Variants in TAFA2 observed in about 807,000 individuals in gnomAD.
TAFA2 encodes the protein chemokine-like protein TAFA-2.
Under a neutral mutation model 18.8 loss-of-function variants are expected in TAFA2, and 7 were observed. The ratio of observed to expected loss-of-function variants is 0.37; its 90% confidence interval spans 0.21 to 0.70. The LOEUF (loss-of-function observed/expected upper bound fraction) is 0.70. TAFA2 is among the 30% of genes least tolerant of loss of function. The pLI is 0.53. For synonymous variants in TAFA2, 60 were observed against 54.2 expected, an observed-to-expected ratio of 1.11 and a Z score of -0.47; for missense variants, 122 against 158.1, an observed-to-expected ratio of 0.77 and a Z score of 1.23.
intron 1 of TAFA2, among the ~76,000 whole-genome samples, chr12:62,142,711 CTTTAA>C (rs984714913): frequency 1.4e-4 from 21 of 152,042 alleles, no homozygotes; most frequent in African/African-American, 4.3e-4. Context: ...GTATAAAAGT[CTTTAA>C]TTAAATTATG....
At chr12:61,746,176 T>C (rs866232381) in intron 4 of TAFA2, among the ~76,000 whole-genome samples, 2 of 151,752 alleles carry the variant, frequency 1.3e-5, no homozygotes, top group Admixed American at 6.6e-5. Context: ...GTTCTCATGA[T>C]AGTGAGTGAG....
intron 2 of TAFA2, among the ~76,000 whole-genome samples, chr12:61,784,962 G>C (rs1182488367): frequency 6.6e-6 from 1 of 151,330 alleles, no homozygotes; most frequent in Non-Finnish European, 1.5e-5. Flanking sequence ...TGTAGGTTGG[G>C]AATATTCAAT....
intron 2 of TAFA2, among the ~76,000 whole-genome samples, chr12:61,800,119 T>G (rs1394855278): frequency 6.6e-6 from 1 of 152,160 alleles, no homozygotes; most frequent in Non-Finnish European, 1.5e-5. Flanking sequence ...GACAAAAATA[T>G]TTGAAGTAAT....
At chr12:61,860,135 T>C (rs1399819661) in intron 2 of TAFA2, among the ~76,000 whole-genome samples, 2 of 152,232 alleles carry the variant, frequency 1.3e-5, no homozygotes, top group Admixed American at 6.5e-5. Flanking sequence ...ATGTATAACA[T>C]GTTTATGAAT....
At chr12:62,053,125 A>G (rs1293320166) in intron 1 of TAFA2, among the ~76,000 whole-genome samples, 1 of 152,204 alleles carries the variant, frequency 6.6e-6, no homozygotes, top group Non-Finnish European at 1.5e-5. Context: ...GACTTCCAAA[A>G]TGAGAGTTAA....
intron 1 of TAFA2, among the ~76,000 whole-genome samples, chr12:62,084,165 C>G (rs1592325407): frequency 6.6e-6 from 1 of 152,124 alleles, no homozygotes; most frequent in African/African-American, 2.4e-5. Flanking sequence ...CCAACATTTC[C>G]CCTCACTATT....
chr12:62,001,431 G>A (rs1880372276), intron 1 of TAFA2, among the ~76,000 whole-genome samples: 2 of 152,018 alleles, frequency 1.3e-5, no homozygotes, highest in South Asian at 4.2e-4. Context: ...AGAATCAGTG[G>A]AAGCCCTGAG....
chr12:62,012,617 T>A (rs1880809111), intron 1 of TAFA2, among the ~76,000 whole-genome samples: 1 of 152,088 alleles, frequency 6.6e-6, no homozygotes, highest in South Asian at 2.1e-4. Context: ...AACTATTCCA[T>A]CTCAGACTTT....
intron 1 of TAFA2, among the ~76,000 whole-genome samples, chr12:62,152,551 A>G (rs373508622): frequency 9.2e-4 from 140 of 152,312 alleles, no homozygotes; most frequent in Non-Finnish European, 1.7e-3. Flanking sequence ...TATTTTAACA[A>G]TGTTCTCTTT....
At chr12:62,108,165 G>C (rs2136861180) in intron 1 of TAFA2, among the ~76,000 whole-genome samples, 1 of 151,818 alleles carries the variant, frequency 6.6e-6, no homozygotes, top group African/African-American at 2.4e-5. Flanking sequence ...AGGCCCCAGT[G>C]TGTGATGTTC....
At chr12:61,785,672 T>A (rs1357181989) in intron 2 of TAFA2, among the ~76,000 whole-genome samples, 1 of 151,524 alleles carries the variant, frequency 6.6e-6, no homozygotes, top group Non-Finnish European at 1.5e-5. Context: ...CACTTCAGTA[T>A]GTGAACAAAC....
chr12:61,816,348 A>G (rs1208806986), intron 2 of TAFA2, among the ~76,000 whole-genome samples: 2 of 151,422 alleles, frequency 1.3e-5, no homozygotes, highest in African/African-American at 2.5e-5. Context: ...TGCAAAAGAC[A>G]TGATCTTTTT....
intron 1 of TAFA2, among the ~76,000 whole-genome samples, chr12:62,177,040 A>C (rs2062518951): frequency 6.6e-6 from 1 of 152,198 alleles, no homozygotes. Context: ...TAAAAAGATC[A>C]CTCACGTGAA....
chr12:61,909,769 A>G (rs753579918), intron 1 of TAFA2, among the ~76,000 whole-genome samples: 3 of 152,196 alleles, frequency 2.0e-5, no homozygotes, highest in Non-Finnish European at 4.4e-5. Flanking sequence ...GAGGCACCAC[A>G]AACCTGTGAA....
chr12:62,222,706 G>C (rs999945647), intron 1 of TAFA2, among the ~76,000 whole-genome samples: 1 of 151,052 alleles, frequency 6.6e-6, no homozygotes, highest in South Asian at 2.1e-4. Context: ...AGTAGAGATG[G>C]GGTTTCACCA....
intron 1 of TAFA2, among the ~76,000 whole-genome samples, chr12:62,202,183 A>G (rs1351474821): frequency 6.6e-6 from 1 of 152,000 alleles, no homozygotes; most frequent in African/African-American, 2.4e-5. Context: ...TTTTCAAAAA[A>G]CAAGCTCCTG....
At chr12:62,119,927 G>A (rs1870120829) in intron 1 of TAFA2, among the ~76,000 whole-genome samples, 1 of 152,038 alleles carries the variant, frequency 6.6e-6, no homozygotes, top group East Asian at 1.9e-4. Flanking sequence ...TACAAAATTA[G>A]CTGGGTGTGG....
chr12:61,869,140 C>T (rs1477697035), intron 1 of TAFA2, among the ~76,000 whole-genome samples: 1 of 152,168 alleles, frequency 6.6e-6, no homozygotes, highest in African/African-American at 2.4e-5. Flanking sequence ...GCTGTAAACT[C>T]TCTGTGGACC....
intron 1 of TAFA2, among the ~76,000 whole-genome samples, chr12:61,982,455 A>C (rs529984932): frequency 6.6e-6 from 1 of 152,186 alleles, no homozygotes; most frequent in East Asian, 1.9e-4. Flanking sequence ...AAAGAAAAGA[A>C]AAGAAATGTA....
Sources: allele counts gnomAD v4.1 joint callset (sites outside exome capture counted in the v4.1 genomes callset), GRCh38; gene constraint gnomAD v4.1.1; transcripts MANE v1.5; gene names NCBI Gene and HGNC (gene_info 2026-07-23, HGNC 2026-07-21).